WDFY2: variants seen among roughly 807,000 people sequenced by gnomAD.
WDFY2 encodes the protein WD repeat and FYVE domain containing 2, also known as WD repeat and FYVE domain-containing protein 2.
In WDFY2, 36 loss-of-function variants were observed where a neutral mutation model predicts 56.4. That is an observed-to-expected ratio of 0.64 (90% CI 0.49 to 0.84). The LOEUF is 0.84. WDFY2 is among the 40% of genes least tolerant of loss of function. The pLI, the probability that WDFY2 is intolerant of heterozygous loss-of-function variation, is 0.00. For missense variants in WDFY2, 444 were observed against 512.2 expected, an observed-to-expected ratio of 0.87 and a Z score of 1.29; for synonymous variants, 176 against 183.7, an observed-to-expected ratio of 0.96 and a Z score of 0.34.
chr13:51,752,874 C>T (rs1953268116), intron 8 of WDFY2: 2 of 152,116 alleles, frequency 1.3e-5, no homozygotes, highest in African/African-American at 2.4e-5. Flanking sequence ...CTCTGTGGAG[C>T]TGCTTCGTGG....
intron 7 of WDFY2, among the ~76,000 whole-genome samples, chr13:51,741,606 T>C (rs1358785401): frequency 6.6e-6 from 1 of 152,166 alleles, no homozygotes; most frequent in Non-Finnish European, 1.5e-5. Flanking sequence ...CCGCCATTCC[T>C]TTACCCTGAA....
intron 4 of WDFY2, among the ~76,000 whole-genome samples, chr13:51,714,004 G>A (rs1162938939): frequency 1.3e-5 from 2 of 152,064 alleles, no homozygotes. Flanking sequence ...GTTTCAGTTT[G>A]GGAAGGTGAG....
chr13:51,707,285 A>G (rs919925118), intron 4 of WDFY2, among the ~76,000 whole-genome samples: 2 of 152,140 alleles, frequency 1.3e-5, no homozygotes, highest in African/African-American at 4.8e-5. Context: ...TCACCTCCCA[A>G]GTAGCTGGGA....
chr13:51,665,044 A>G (rs1343437312), intron 2 of WDFY2, among the ~76,000 whole-genome samples: 2 of 152,290 alleles, frequency 1.3e-5, no homozygotes, highest in East Asian at 1.9e-4. Flanking sequence ...AATACCAACC[A>G]TCATGTATGG....
Position 51,751,400 on chromosome 13 carries a change from C to T in WDFY2, c.816C>T (p.Asp272=), listed in dbSNP as rs145279223. Residue 272 remains aspartate, a synonymous_variant, in exon 8 of 12, where the codon GAC becomes GAT. Transcript: ENST00000298125. ...GDGGIVVWNM[D]VERQETPEWL... is the part of the protein sequence containing the mutation. ...GTGGGATTGTCGTCTGGAACATGGA[C>T]GTGGAGAGGCAGGAGGTAGGTGGCA... 1.1e-5 allele frequency: 17 copies of T among 1,613,972 alleles called. No homozygotes were observed. The Admixed American group carries it at 1.3e-4, about 13-fold the overall frequency.
chr13:51,705,819 A>G (rs185922285), intron 4 of WDFY2, among the ~76,000 whole-genome samples: 382 of 151,964 alleles, frequency 2.5e-3, no homozygotes, highest in Non-Finnish European at 4.5e-3. Flanking sequence ...TCTTGTTTTT[A>G]TTTTTGTTTT....
At chr13:51,603,586 G>A (rs991328304) in intron 1 of WDFY2, among the ~76,000 whole-genome samples, 59 of 152,240 alleles carry the variant, frequency 3.9e-4, no homozygotes, top group Admixed American at 1.2e-3. Flanking sequence ...AAATTTGCCC[G>A]CAATTTAAAT....
intron 1 of WDFY2, among the ~76,000 whole-genome samples, chr13:51,618,020 C>T (rs776733102): frequency 5.9e-5 from 9 of 152,162 alleles, no homozygotes; most frequent in Non-Finnish European, 1.3e-4. Context: ...TTAAGAGAGC[C>T]ATCACACCTT....
At chr13:51,604,450 A>G (rs987001280) in intron 1 of WDFY2, among the ~76,000 whole-genome samples, 3 of 152,084 alleles carry the variant, frequency 2.0e-5, no homozygotes, top group Non-Finnish European at 4.4e-5. Flanking sequence ...CCAAAAACCT[A>G]AGGAAAGGGC....
chr13:51,641,855 T>C (rs1040727978), intron 1 of WDFY2, among the ~76,000 whole-genome samples: 27 of 119,212 alleles, frequency 2.3e-4, no homozygotes, highest in African/African-American at 8.8e-4. Context: ...AAAAAAAAAA[T>C]ATTTTGTCTA....
chr13:51,760,126 A>C lies in WDFY2; in HGVS notation c.*357A>C, dbSNP rs1953535983. 4.9e-6 allele frequency: 1 copy of C among 202,240 alleles called. No homozygotes were observed. The highest frequency in any genetic ancestry group is 2.3e-5 in the African/African-American group (1 of 43,550). The allele number at this position is 202,240 out of a possible 1,614,324, so 12.5% of individuals were successfully genotyped here. On this transcript the variant is annotated 3_prime_UTR_variant, in exon 12 of 12. Coordinates refer to ENST00000298125, the MANE Select transcript of WDFY2 (RefSeq NM_052950.4). ...GCTTTGTCAGAGAAATAAGGGAGGT[A>C]TCTACTCAGAGTATTTTGGTCATTA... is the stretch of plus-strand genomic sequence containing the variant.
intron 2 of WDFY2, among the ~76,000 whole-genome samples, chr13:51,670,082 C>G (rs1194312509): frequency 6.6e-6 from 1 of 152,170 alleles, no homozygotes; most frequent in African/African-American, 2.4e-5. Flanking sequence ...ATGTTTGTTG[C>G]TTCCTCTTAT....
At chr13:51,607,974 C>T (rs868457034) in intron 1 of WDFY2, among the ~76,000 whole-genome samples, 3 of 152,086 alleles carry the variant, frequency 2.0e-5, no homozygotes, top group South Asian at 2.1e-4. Context: ...GACAAGGCAA[C>T]GTGTAGATTG....
intron 6 of WDFY2, among the ~76,000 whole-genome samples, chr13:51,736,508 T>C (rs1295229993): frequency 6.6e-6 from 1 of 152,222 alleles, no homozygotes; most frequent in Non-Finnish European, 1.5e-5. Context: ...TTTGTTTTGT[T>C]TGGAGACGGA....
intron 4 of WDFY2, 99 bp downstream of exon 4, chr13:51,703,749 A>T (rs1952032403): frequency 9.7e-7 from 1 of 1,032,624 alleles, no homozygotes; most frequent in East Asian, 2.7e-5. Flanking sequence ...ATCATCAGGG[A>T]AACAAAACAG....
intron 1 of WDFY2, among the ~76,000 whole-genome samples, chr13:51,653,936 C>T (rs752609285): frequency 6.6e-6 from 1 of 152,240 alleles, no homozygotes; most frequent in African/African-American, 2.4e-5. Flanking sequence ...TCAAGGCTGT[C>T]AGACAGGGAC....
At chr13:51,639,097 A>G (rs1955108614) in intron 1 of WDFY2, among the ~76,000 whole-genome samples, 1 of 152,224 alleles carries the variant, frequency 6.6e-6, no homozygotes, top group Non-Finnish European at 1.5e-5. Context: ...GGTCAAGAAT[A>G]TAATGAATTG....
At chr13:51,745,439 T>G (rs1288020536) in intron 7 of WDFY2, among the ~76,000 whole-genome samples, 1 of 152,204 alleles carries the variant, frequency 6.6e-6, no homozygotes, top group African/African-American at 2.4e-5. Flanking sequence ...GACGCACAGC[T>G]GGCTTCTCCC....
intron 1 of WDFY2, among the ~76,000 whole-genome samples, chr13:51,635,897 A>G (rs1447463105): frequency 1.3e-5 from 2 of 152,198 alleles, no homozygotes; most frequent in Non-Finnish European, 2.9e-5. Context: ...TACTGTAACC[A>G]TACCCTCATT....
Sources: allele counts gnomAD v4.1 joint callset (sites outside exome capture counted in the v4.1 genomes callset), GRCh38; gene constraint gnomAD v4.1.1; transcripts MANE v1.5; gene names NCBI Gene and HGNC (gene_info 2026-07-23, HGNC 2026-07-21).